The following PARD3B variants were observed in gnomAD, a reference collection of about 807,000 sequenced individuals.
PARD3B encodes the protein par-3 family cell polarity regulator beta, also known as partitioning defective 3 homolog B.
In PARD3B, 103 loss-of-function variants were observed where a neutral mutation model predicts 130.2. That is an observed-to-expected ratio of 0.79 (90% confidence interval 0.67 to 0.93). PARD3B has a LOEUF of 0.93. Among genes scored for constraint, PARD3B ranks in the 40% least tolerant of loss-of-function variants. The pLI is 0.00. For missense variants in PARD3B, 1,609 were observed against 1,499.2 expected (o/e 1.07, Z -1.21); for synonymous variants, 583 against 553.2 (o/e 1.05, Z -0.76).
At chr2:205,296,875 T>TA (rs1324616345) in intron 16 of PARD3B, among the ~76,000 whole-genome samples, 15 of 146,476 alleles carry the variant, frequency 1.0e-4, no homozygotes, top group African/African-American at 3.8e-4. Flanking sequence ...TAACATCTTT[T>TA]TAAAAAAAAA....
chr2:205,360,032 A>G (rs936362469), intron 18 of PARD3B, among the ~76,000 whole-genome samples: 12 of 152,214 alleles, frequency 7.9e-5, no homozygotes, highest in African/African-American at 2.2e-4. Context: ...CCAATGCACA[A>G]GCATTCTCAT....
At chr2:204,923,177 C>G (rs1044159042) in intron 2 of PARD3B, among the ~76,000 whole-genome samples, 4 of 152,000 alleles carry the variant, frequency 2.6e-5, no homozygotes, top group Non-Finnish European at 4.4e-5. Context: ...AAAGTATTGA[C>G]AATATCTGAA....
In PARD3B at chr2:204,973,161, A is replaced by T. The variant is rs142573876; in HGVS notation, c.394+7838A>T. ...TTTCAGGCACTCTGAGGCAGCCGAA[A>T]CACAGCCACACAGAATTGCCCTCTG... On this transcript the variant is annotated intron_variant, in intron 3 of 22. Coordinates refer to ENST00000406610, the MANE Select transcript of PARD3B (RefSeq NM_001302769.2). Among the ~76,000 whole-genome samples the T allele has an allele frequency of 4.8e-3, 735 of 152,306 alleles. 6 individuals are homozygous for T. The highest frequency in any genetic ancestry group is 0.017 in the African/African-American group (692 of 41,552).
In PARD3B at chr2:204,675,012, G is replaced by C. The variant is rs541802422; in HGVS notation, c.121-11169G>C. ...GAATTATTCTAAAAATTAATAGCTT[G>C]CTCTTCTCTTTGGAGAGATGGCTCC... is the stretch of plus-strand genomic sequence containing the variant. On this transcript the variant is annotated intron_variant, in intron 1 of 22. Transcript: ENST00000406610. The surrounding 1 kb of genome is among the most constrained non-coding windows in gnomAD (Gnocchi z 4.4). Among the ~76,000 whole-genome samples the C allele has an allele frequency of 2.6e-5, 4 of 152,200 alleles. No individual in the cohort carries two copies. The East Asian group carries it at 5.8e-4, about 22-fold the overall frequency.
At chr2:205,104,618 G>C in intron 5 of PARD3B, 104 bp downstream of exon 5, 1 of 760,332 alleles carries the variant, frequency 1.3e-6, no homozygotes, top group African/African-American at 1.7e-5. Flanking sequence ...AGGATAAGTA[G>C]AATCATGGAG....
intron 8 of PARD3B, among the ~76,000 whole-genome samples, chr2:205,123,669 AAAAAT>A (rs1005158543): frequency 1.3e-4 from 15 of 111,358 alleles, no homozygotes; most frequent in African/African-American, 4.0e-4. Context: ...AAAAAAAAAA[AAAAAT>A]AAGTGGTGGG....
At chr2:205,152,488 C>T (rs1274169382) in intron 10 of PARD3B, among the ~76,000 whole-genome samples, 2 of 151,896 alleles carry the variant, frequency 1.3e-5, no homozygotes, top group Non-Finnish European at 2.9e-5. Flanking sequence ...AAACTTCTCG[C>T]TTCATTTCAT....
chr2:205,336,264 T>C (rs541639239), intron 18 of PARD3B, among the ~76,000 whole-genome samples: 1 of 152,378 alleles, frequency 6.6e-6, no homozygotes, highest in Non-Finnish European at 1.5e-5. Flanking sequence ...TATCATACCA[T>C]TTGACCATGA....
chr2:204,702,519 G>T (rs959835197), intron 2 of PARD3B, among the ~76,000 whole-genome samples: 1 of 152,042 alleles, frequency 6.6e-6, no homozygotes, highest in African/African-American at 2.4e-5. Flanking sequence ...AAGTATATTT[G>T]TTGGCCACTT....
intron 5 of PARD3B, 89 bp downstream of exon 5, chr2:205,104,603 A>G (rs923377934): frequency 2.6e-5 from 24 of 919,468 alleles, no homozygotes; most frequent in Admixed American, 2.5e-4. Flanking sequence ...TTTACAAGAA[A>G]GATCAGGATA....
intron 2 of PARD3B, among the ~76,000 whole-genome samples, chr2:204,839,081 G>A (rs2044168362): frequency 6.6e-6 from 1 of 152,132 alleles, no homozygotes; most frequent in Admixed American, 6.6e-5. Flanking sequence ...TCTCTGCTGG[G>A]CTCCATTTAG....
intron 14 of PARD3B, among the ~76,000 whole-genome samples, chr2:205,189,654 C>T (rs759761224): frequency 1.2e-4 from 18 of 152,114 alleles, no homozygotes; most frequent in African/African-American, 2.4e-4. Context: ...AGATATGTAG[C>T]GTAAAGTTAC....
intron 16 of PARD3B, among the ~76,000 whole-genome samples, chr2:205,255,576 T>G (rs531946877): frequency 2.0e-5 from 3 of 152,154 alleles, no homozygotes; most frequent in Non-Finnish European, 4.4e-5. Flanking sequence ...AAGTTGTGAC[T>G]TGGGCCTCTG....
At chr2:204,628,009 A>G (rs1010980588) in intron 1 of PARD3B, among the ~76,000 whole-genome samples, 1 of 147,234 alleles carries the variant, frequency 6.8e-6, no homozygotes, top group Non-Finnish European at 1.5e-5. Context: ...TTAGCTGATT[A>G]GTGATCATTA....
intron 2 of PARD3B, among the ~76,000 whole-genome samples, chr2:204,720,718 G>A (rs1011892431): frequency 6.6e-6 from 1 of 152,132 alleles, no homozygotes; most frequent in African/African-American, 2.4e-5. Flanking sequence ...AACCTTAGTT[G>A]CCATCCGGTA....
intron 5 of PARD3B, among the ~76,000 whole-genome samples, chr2:205,106,225 G>A (rs980292245): frequency 2.6e-5 from 4 of 151,876 alleles, no homozygotes; most frequent in Non-Finnish European, 4.4e-5. Flanking sequence ...TCGGCTCACC[G>A]CAACCTCCGC....
At chr2:204,998,925 G>T (rs1474237753) in intron 3 of PARD3B, among the ~76,000 whole-genome samples, 2 of 152,112 alleles carry the variant, frequency 1.3e-5, no homozygotes, top group Non-Finnish European at 2.9e-5. Flanking sequence ...TGCTGGACAG[G>T]ATGGTCTTGA....
chr2:204,669,224 C>T lies in PARD3B; in HGVS notation c.121-16957C>T, dbSNP rs1333388881. 6.6e-6 allele frequency among the ~76,000 whole-genome samples: 1 copy of T among 152,024 alleles called. No individual in the cohort carries two copies. Among genetic ancestry groups the T allele is most frequent in the Non-Finnish European group, 1.5e-5 (1 of 68,006 alleles). On this transcript the variant is annotated intron_variant, in intron 1 of 22. Coordinates refer to ENST00000406610, the MANE Select transcript of PARD3B (RefSeq NM_001302769.2). This position sits in a 1 kb window ranked among gnomAD's most constrained non-coding sequence, Gnocchi z 4.3. Reference sequence around the variant, plus strand: ...TCAGTTTGGTGATATGAATGTGTTGCTTCTTACATTCTAGATACCAGGCAT... The same window carrying T: ...TCAGTTTGGTGATATGAATGTGTTGTTTCTTACATTCTAGATACCAGGCAT...
At chr2:205,083,605 T>C (rs1010631179) in intron 4 of PARD3B, among the ~76,000 whole-genome samples, 7 of 151,894 alleles carry the variant, frequency 4.6e-5, no homozygotes, top group African/African-American at 1.2e-4. Flanking sequence ...GATTCTTCTT[T>C]TTTTTTTTAG....
Sources: allele counts gnomAD v4.1 joint callset (sites outside exome capture counted in the v4.1 genomes callset), GRCh38; gene constraint gnomAD v4.1.1; non-coding constraint Gnocchi (gnomAD v3.1); transcripts MANE v1.5; gene names NCBI Gene and HGNC (gene_info 2026-07-23, HGNC 2026-07-21).